Variants in RHOBTB1 observed in about 807,000 individuals in gnomAD.
RHOBTB1 encodes Rho related BTB domain containing 1.
In RHOBTB1, 40 loss-of-function variants were observed where a neutral mutation model predicts 71.6. The ratio of observed to expected loss-of-function variants is 0.56; its 90% CI spans 0.43 to 0.73. The LOEUF (loss-of-function observed/expected upper bound fraction) is 0.73. Among genes scored for constraint, RHOBTB1 ranks in the 30% least tolerant of loss-of-function variants. The pLI, the probability that RHOBTB1 is intolerant of heterozygous loss-of-function variation, is 0.00. For synonymous variants in RHOBTB1, 319 were observed against 334.9 expected (o/e 0.95, Z 0.52); for missense variants, 797 against 894.0 (o/e 0.89, Z 1.38).
intron 2 of RHOBTB1, among the ~76,000 whole-genome samples, chr10:60,929,466 T>C (rs910229407): frequency 2.6e-5 from 4 of 152,112 alleles, no homozygotes; most frequent in Non-Finnish European, 5.9e-5. Flanking sequence ...AGGAAACTGC[T>C]CAAAGATACT....
chr10:60,958,658 C>T (rs1272330394), intron 2 of RHOBTB1, among the ~76,000 whole-genome samples: 1 of 152,108 alleles, frequency 6.6e-6, no homozygotes, highest in African/African-American at 2.4e-5. Flanking sequence ...TGCTGGAGTA[C>T]AGAGGCATGA....
intron 4 of RHOBTB1, among the ~76,000 whole-genome samples, chr10:60,904,578 C>G (rs957465809): frequency 6.6e-6 from 1 of 152,158 alleles, no homozygotes; most frequent in Non-Finnish European, 1.5e-5. Context: ...CTCTAATCGT[C>G]AAAAATTCTT....
chr10:60,939,060 T>G (rs905579110), intron 2 of RHOBTB1, among the ~76,000 whole-genome samples: 3 of 152,202 alleles, frequency 2.0e-5, no homozygotes, highest in Non-Finnish European at 2.9e-5. Flanking sequence ...CCTGTGTCTA[T>G]GCAATAAGTA....
intron 2 of RHOBTB1, among the ~76,000 whole-genome samples, chr10:60,921,045 G>A (rs1429191989): frequency 1.3e-5 from 2 of 151,204 alleles, no homozygotes; most frequent in Non-Finnish European, 2.9e-5. Flanking sequence ...TGCCTCCTGG[G>A]TTCAAGTGAT....
intron 2 of RHOBTB1, among the ~76,000 whole-genome samples, chr10:60,928,955 A>C (rs1456433746): frequency 6.6e-6 from 1 of 152,160 alleles, no homozygotes; most frequent in Non-Finnish European, 1.5e-5. Context: ...GGGAGGCCTC[A>C]GGAATCTTAA....
upstream of RHOBTB1, among the ~76,000 whole-genome samples, chr10:60,947,394 A>T (rs2085272785): frequency 6.6e-6 from 1 of 152,204 alleles, no homozygotes; most frequent in African/African-American, 2.4e-5. Context: ...TCAAAGTCAT[A>T]GGATTAAAAA....
At chr10:60,968,440 T>C (rs1336543271) in intron 2 of RHOBTB1, among the ~76,000 whole-genome samples, 1 of 152,132 alleles carries the variant, frequency 6.6e-6, no homozygotes, top group Non-Finnish European at 1.5e-5. Flanking sequence ...GTGTTTTGAT[T>C]CTTAAAAATA....
At chr10:60,997,473 T>C (rs2087098379) in intron 1 of RHOBTB1, among the ~76,000 whole-genome samples, 1 of 152,256 alleles carries the variant, frequency 6.6e-6, no homozygotes, top group South Asian at 2.1e-4. Context: ...TAAAATGTAA[T>C]ACTTTAGCAA....
rs767074971 is a variant in RHOBTB1 at position 60,888,685 on chromosome 10, T to C, written c.983A>G (p.Asp328Gly). The C allele has an allele frequency of 2.5e-6, 4 of 1,614,198 alleles. No individual in the cohort carries two copies. The highest frequency in any genetic ancestry group is 2.5e-6 in the Non-Finnish European group (3 of 1,180,040). Reference protein sequence around the residue: ...RDFQGRILSVDPEEEREEGPP... With the variant: ...RDFQGRILSVGPEEEREEGPP... Reference sequence around the variant, plus strand: ...GCCCTCCTCCCTTTCTTCCTCTGGGTCGACACTCAATATCCGCCCCTGGAA... The same window carrying C: ...GCCCTCCTCCCTTTCTTCCTCTGGGCCGACACTCAATATCCGCCCCTGGAA... Residue 328 changes from aspartate (D) to glycine (G), a missense_variant, in exon 6 of 11, where the codon GAC becomes GGC. Around this residue, in one of 2 missense-constraint regions of RHOBTB1, gnomAD observed 658 missense variants for 681.5 expected, o/e 0.97. Coordinates refer to ENST00000337910, the MANE Select transcript of RHOBTB1 (RefSeq NM_014836.5).
At chr10:60,986,512 T>C (rs2086675562) in intron 1 of RHOBTB1, among the ~76,000 whole-genome samples, 1 of 149,146 alleles carries the variant, frequency 6.7e-6, no homozygotes, top group African/African-American at 2.5e-5. Context: ...TCTTGGTAAT[T>C]TAGGTGAAAG....
chr10:60,918,748 TTTC>T (rs1271337831), intron 2 of RHOBTB1, among the ~76,000 whole-genome samples: 1 of 149,710 alleles, frequency 6.7e-6, no homozygotes, highest in Non-Finnish European at 1.5e-5. Flanking sequence ...TTCTTTTCTT[TTTC>T]TTTTTTTTTT....
chr10:60,910,328 A>T (rs78590627), intron 4 of RHOBTB1, among the ~76,000 whole-genome samples: 6,157 of 152,184 alleles, frequency 0.04, 233 homozygotes, highest in African/African-American at 0.098. Context: ...TCTCCTTTTT[A>T]AAAAAATAAA....
At chr10:60,911,220 T>G (rs1176528018) in intron 3 of RHOBTB1, 131 bp downstream of exon 3, 2 of 967,960 alleles carry the variant, frequency 2.1e-6, no homozygotes, top group African/African-American at 3.3e-5. Context: ...TTTTGTTTTC[T>G]CTCGTGGCAC....
At chr10:60,949,893 T>C (rs1419989730) in intron 2 of RHOBTB1, among the ~76,000 whole-genome samples, 5 of 152,198 alleles carry the variant, frequency 3.3e-5, no homozygotes, top group African/African-American at 1.2e-4. Context: ...GGCTATGTAC[T>C]GAAAATAGAC....
chr10:60,956,860 C>T (rs2085612233), intron 2 of RHOBTB1, among the ~76,000 whole-genome samples: 1 of 152,110 alleles, frequency 6.6e-6, no homozygotes, highest in Non-Finnish European at 1.5e-5. Flanking sequence ...AATTTGTGGT[C>T]TACAATGTGT....
chr10:60,945,952 C>T (rs58729805), upstream of RHOBTB1, among the ~76,000 whole-genome samples: 2 of 152,030 alleles, frequency 1.3e-5, no homozygotes, highest in Non-Finnish European at 2.9e-5. Flanking sequence ...GGCCGAGGCG[C>T]GCGGATCACG....
intron 5 of RHOBTB1, among the ~76,000 whole-genome samples, chr10:60,891,200 C>T (rs1243102974): frequency 6.6e-6 from 1 of 151,992 alleles, no homozygotes; most frequent in Admixed American, 6.6e-5. Flanking sequence ...ATACCTAGAA[C>T]ATCAGAAATT....
chr10:60,962,730 T>C (rs1232030031), intron 2 of RHOBTB1, among the ~76,000 whole-genome samples: 1 of 152,166 alleles, frequency 6.6e-6, no homozygotes, highest in African/African-American at 2.4e-5. Context: ...GCTGGCCCAG[T>C]CAATTTTGGG....
At chr10:60,960,537 A>G (rs2085743068) in intron 2 of RHOBTB1, among the ~76,000 whole-genome samples, 1 of 152,198 alleles carries the variant, frequency 6.6e-6, no homozygotes, top group Non-Finnish European at 1.5e-5. Flanking sequence ...TATTCATACT[A>G]TCTGTCTGAG....
Sources: gnomAD v4.1 joint callset for allele counts (sites outside exome capture counted in the v4.1 genomes callset) on GRCh38, gnomAD v4.1.1 for gene constraint, gnomAD v4.1.1 regional missense constraint, MANE v1.5 for transcripts, NCBI Gene and HGNC (gene_info 2026-07-23, HGNC 2026-07-21) for gene names.